NWD2: variants seen among roughly 807,000 people sequenced by gnomAD.
The protein encoded by NWD2 is NACHT and WD repeat domain-containing protein 2.
Under a neutral mutation model 132.7 loss-of-function variants are expected in NWD2, and 37 were observed. The ratio of observed to expected loss-of-function variants is 0.28; its 90% CI spans 0.21 to 0.37. The LOEUF (loss-of-function observed/expected upper bound fraction) is 0.37, where lower values mean the gene tolerates loss of function less well. Ranked by LOEUF, NWD2 falls within the 10% of genes least tolerant of loss-of-function variation. The pLI, the probability that NWD2 is intolerant of heterozygous loss-of-function variation, is 1.00. For missense variants in NWD2, 1,592 were observed against 2,122.4 expected, an observed-to-expected ratio of 0.75 and a Z score of 4.91; for synonymous variants, 705 against 803.0, an observed-to-expected ratio of 0.88 and a Z score of 2.06.
chr4:37,385,952 G>A (rs1438967845), intron 3 of NWD2, among the ~76,000 whole-genome samples: 1 of 152,132 alleles, frequency 6.6e-6, no homozygotes, highest in Admixed American at 6.5e-5. Flanking sequence ...CTAAAACAGA[G>A]TACTATAAAG....
chr4:37,409,509 T>G (rs1346823333), intron 3 of NWD2, among the ~76,000 whole-genome samples: 5 of 151,952 alleles, frequency 3.3e-5, no homozygotes, highest in African/African-American at 1.2e-4. Flanking sequence ...TGGGAGTATG[T>G]GGAAAGACCA....
At chr4:37,386,804 A>C (rs889697497) in intron 3 of NWD2, among the ~76,000 whole-genome samples, 2 of 149,440 alleles carry the variant, frequency 1.3e-5, no homozygotes, top group African/African-American at 5.1e-5. Context: ...TACCATTCCC[A>C]CAGTAATGGA....
intron 3 of NWD2, among the ~76,000 whole-genome samples, chr4:37,414,561 A>T (rs1721226553): frequency 6.6e-6 from 1 of 152,122 alleles, no homozygotes; most frequent in Admixed American, 6.6e-5. Context: ...CATGAATCTT[A>T]CCTTGTTTAA....
At chr4:37,249,219 A>T (rs941194092) in intron 1 of NWD2, among the ~76,000 whole-genome samples, 1 of 152,248 alleles carries the variant, frequency 6.6e-6, no homozygotes, top group African/African-American at 2.4e-5. Flanking sequence ...AAGTAGCTTC[A>T]TGTCAGTCAA....
At chr4:37,382,716 G>T (rs1311861508) in intron 3 of NWD2, among the ~76,000 whole-genome samples, 2 of 151,700 alleles carry the variant, frequency 1.3e-5, no homozygotes, top group Non-Finnish European at 2.9e-5. Flanking sequence ...ATTGAGGCAG[G>T]CTCTGGCTCT....
chr4:37,286,797 T>A (rs1333739682), intron 1 of NWD2, among the ~76,000 whole-genome samples: 3 of 152,112 alleles, frequency 2.0e-5, no homozygotes, highest in African/African-American at 4.8e-5. Flanking sequence ...AAATGTTGAA[T>A]ATGAATTTTT....
At chr4:37,312,471 A>G (rs1298779079) in intron 1 of NWD2, among the ~76,000 whole-genome samples, 2 of 151,108 alleles carry the variant, frequency 1.3e-5, no homozygotes, top group Non-Finnish European at 2.9e-5. Flanking sequence ...ATTTTTATAC[A>G]TCGATTTTGT....
chr4:37,325,286 C>T (rs1719146526), intron 1 of NWD2, among the ~76,000 whole-genome samples: 1 of 152,116 alleles, frequency 6.6e-6, no homozygotes, highest in African/African-American at 2.4e-5. Context: ...AGAAGGTTTA[C>T]ATGGTATGAC....
At chr4:37,398,802 A>C (rs2109314644) in intron 3 of NWD2, among the ~76,000 whole-genome samples, 1 of 152,318 alleles carries the variant, frequency 6.6e-6, no homozygotes, top group African/African-American at 2.4e-5. Context: ...AGAAACAGTA[A>C]GTTTTTAGTT....
At chr4:37,392,341 T>C (rs1720694579) in intron 3 of NWD2, among the ~76,000 whole-genome samples, 1 of 152,124 alleles carries the variant, frequency 6.6e-6, no homozygotes, top group Admixed American at 6.5e-5. Context: ...TAAAACATGA[T>C]CATTGAATAG....
chr4:37,394,486 A>G (rs773060236), intron 3 of NWD2, among the ~76,000 whole-genome samples: 8 of 152,374 alleles, frequency 5.3e-5, no homozygotes, highest in South Asian at 4.1e-4. Flanking sequence ...GCATTTAAGT[A>G]CTTACTGATA....
intron 1 of NWD2, among the ~76,000 whole-genome samples, chr4:37,304,849 G>A (rs1718676544): frequency 6.6e-6 from 1 of 152,186 alleles, no homozygotes; most frequent in South Asian, 2.1e-4. Context: ...TCTGGGGGCT[G>A]GAGGATGGTG....
rs762168776 is a variant in NWD2, at chr4:37,446,006, G to A, written c.4018G>A (p.Val1340Ile). ...IIYSLDGSDC[V>I]HKWNFSSGFI... is the part of the protein sequence containing the mutation. ...TTACTCCCTGGATGGATCCGATTGTGTTCATAAGTGGAACTTCAGCAGTGG... is the reference window on the plus strand; with the variant it reads ...TTACTCCCTGGATGGATCCGATTGTATTCATAAGTGGAACTTCAGCAGTGG... Residue 1340 changes from valine (V) to isoleucine (I), a missense_variant, in exon 7 of 7, where the codon GTT becomes ATT. Transcript: ENST00000309447. This position sits in a 1 kb window ranked among gnomAD's most constrained non-coding sequence, Gnocchi z 6.7. The A allele has an allele frequency of 5.8e-6, 9 of 1,551,712 alleles. No homozygotes were observed. Among genetic ancestry groups the A allele is most frequent in the Admixed American group, 2.0e-5 (1 of 51,006 alleles).
Position 37,445,663 on chromosome 4 carries a change from G to T in NWD2, c.3675G>T (p.Lys1225Asn). The T allele has an allele frequency of 1.3e-6, 2 of 1,552,170 alleles. No homozygotes were observed. The highest frequency in any genetic ancestry group is 1.7e-4 in the Middle Eastern group (1 of 5,998). Residue 1225 changes from lysine (K) to asparagine (N), a missense_variant, in exon 7 of 7, where the codon AAG becomes AAT. This residue lies in a region of NWD2 where 1,071 missense variants were observed against 1,398.0 expected (regional missense o/e 0.77). Coordinates refer to ENST00000309447, the MANE Select transcript of NWD2 (RefSeq NM_001144990.2). The surrounding 1 kb of genome is among the most constrained non-coding windows in gnomAD (Gnocchi z 4.7). ...LDTGLWKVAE[K>N]FRAKHNERFI... Reference sequence around the variant, plus strand: ...CTGGTCTGTGGAAGGTGGCTGAAAAGTTCAGAGCCAAGCACAACGAACGCT... The same window carrying T: ...CTGGTCTGTGGAAGGTGGCTGAAAATTTCAGAGCCAAGCACAACGAACGCT...
chr4:37,377,993 G>A (rs1047818187), intron 3 of NWD2, among the ~76,000 whole-genome samples: 19 of 151,860 alleles, frequency 1.3e-4, no homozygotes, highest in Non-Finnish European at 2.4e-4. Flanking sequence ...AAAACAGTAC[G>A]TTGTACCCTG....
At chr4:37,356,259 G>T in intron 2 of NWD2, 107 bp from the exon 3 acceptor site, 1 of 558,568 alleles carries the variant, frequency 1.8e-6, no homozygotes. Context: ...CCCTCTGTAA[G>T]AGAAAACATG....
At position 37,443,586 on chromosome 4, in the gene NWD2, C is replaced by T; in HGVS notation, c.1598C>T (p.Ala533Val). Residue 533 changes from alanine to valine, a missense_variant, in exon 7 of 7, where the codon GCT becomes GTT. Transcript: ENST00000309447. This position sits in a 1 kb window ranked among gnomAD's most constrained non-coding sequence, Gnocchi z 4.1. ...DDARKLWWLP[A>V]HLPRFVRIVL... is the part of the protein sequence containing the mutation. ...GCCAGGAAGCTTTGGTGGCTCCCAGCTCACCTGCCCCGCTTTGTCCGGATA... is the reference window on the plus strand; with the variant it reads ...GCCAGGAAGCTTTGGTGGCTCCCAGTTCACCTGCCCCGCTTTGTCCGGATA... The T allele has an allele frequency of 6.4e-7, 1 of 1,551,776 alleles. No homozygotes were observed. The highest frequency in any genetic ancestry group is 8.7e-7 in the Non-Finnish European group (1 of 1,147,016).
intron 3 of NWD2, among the ~76,000 whole-genome samples, chr4:37,418,641 A>T (rs13147725): frequency 0.25 from 34,382 of 139,270 alleles, 4,024 homozygotes; most frequent in East Asian, 0.45. Context: ...CAAAAAAAAA[A>T]ATATATATAT....
At chr4:37,310,965 A>G (rs1278942633) in intron 1 of NWD2, among the ~76,000 whole-genome samples, 1 of 151,848 alleles carries the variant, frequency 6.6e-6, no homozygotes, top group South Asian at 2.1e-4. Context: ...ACATGAACTC[A>G]TCATTTTTTA....
Sources: gnomAD v4.1 joint callset for allele counts (sites outside exome capture counted in the v4.1 genomes callset) on GRCh38, gnomAD v4.1.1 for gene constraint, gnomAD v4.1.1 regional missense constraint, Gnocchi (gnomAD v3.1) non-coding constraint, MANE v1.5 for transcripts, NCBI Gene and HGNC (gene_info 2026-07-23, HGNC 2026-07-21) for gene names.